Variants in DLG2 observed in about 807,000 individuals in gnomAD.
DLG2 encodes the protein discs large MAGUK scaffold protein 2, also known as disks large homolog 2.
A neutral mutation model predicts 132.5 loss-of-function variants in DLG2; 45 were observed. The observed-to-expected ratio is 0.34, with a 90% CI of 0.27 to 0.44. The LOEUF (loss-of-function observed/expected upper bound fraction) is 0.44, where lower values mean the gene tolerates loss of function less well. DLG2 is among the 20% of genes least tolerant of loss of function. The pLI is 1.00. For missense variants in DLG2, 1,045 were observed against 1,196.9 expected, an observed-to-expected ratio of 0.87 and a Z score of 1.87; for synonymous variants, 424 against 419.6, an observed-to-expected ratio of 1.01 and a Z score of -0.13.
intron 9 of DLG2, among the ~76,000 whole-genome samples, chr11:84,109,614 A>G (rs1439018254): frequency 6.6e-6 from 1 of 152,220 alleles, no homozygotes; most frequent in Non-Finnish European, 1.5e-5. Context: ...TGTATCCAAA[A>G]TGCTACTGGC....
intron 7 of DLG2, among the ~76,000 whole-genome samples, chr11:84,379,568 A>C (rs1441322976): frequency 6.6e-6 from 1 of 152,114 alleles, no homozygotes; most frequent in Admixed American, 6.6e-5. Context: ...AAGATGTAGA[A>C]ACATAGGTAG....
intron 7 of DLG2, among the ~76,000 whole-genome samples, chr11:84,502,349 T>C (rs371054195): frequency 1.8e-5 from 1 of 54,090 alleles, no homozygotes; most frequent in Admixed American, 2.1e-4. Flanking sequence ...TTTCTTTCTT[T>C]CTTTCTTTCT....
intron 6 of DLG2, among the ~76,000 whole-genome samples, chr11:84,719,030 A>C (rs2061513911): frequency 1.3e-5 from 2 of 152,348 alleles, no homozygotes; most frequent in South Asian, 4.1e-4. Flanking sequence ...AGATTGTTAG[A>C]GCTGGCAGGT....
At chr11:84,334,091 C>T (rs1300607357) in intron 7 of DLG2, among the ~76,000 whole-genome samples, 1 of 152,102 alleles carries the variant, frequency 6.6e-6, no homozygotes. Flanking sequence ...TTTATCAGAG[C>T]AACAAACTCT....
chr11:83,782,465 C>T (rs575748246), intron 18 of DLG2, among the ~76,000 whole-genome samples: 1 of 152,208 alleles, frequency 6.6e-6, no homozygotes, highest in South Asian at 2.1e-4. Context: ...ATAATGGGCA[C>T]ACCAGGTGTT....
chr11:85,379,909 G>A (rs942819406), intron 3 of DLG2, among the ~76,000 whole-genome samples: 2 of 151,948 alleles, frequency 1.3e-5, no homozygotes, highest in African/African-American at 2.4e-5. Flanking sequence ...TTTTTTATAT[G>A]TCACAAAATG....
At chr11:85,476,352 T>C (rs1037575443) in intron 3 of DLG2, among the ~76,000 whole-genome samples, 1 of 60,504 alleles carries the variant, frequency 1.7e-5, no homozygotes, top group Non-Finnish European at 6.0e-5. Context: ...GGTGAGTAAA[T>C]GTGAAGGCCT....
intron 6 of DLG2, among the ~76,000 whole-genome samples, chr11:84,582,251 A>G (rs922757157): frequency 1.3e-5 from 2 of 151,458 alleles, no homozygotes; most frequent in African/African-American, 2.4e-5. Flanking sequence ...TAAGTTTATC[A>G]GGGACTTGAA....
intron 6 of DLG2, among the ~76,000 whole-genome samples, chr11:84,728,910 T>C (rs1426824345): frequency 6.6e-6 from 1 of 152,188 alleles, no homozygotes; most frequent in Non-Finnish European, 1.5e-5. Flanking sequence ...GATGGTAGTT[T>C]GTATTTCTGT....
chr11:85,066,808 T>C (rs2154164216), intron 6 of DLG2, among the ~76,000 whole-genome samples: 1 of 151,796 alleles, frequency 6.6e-6, no homozygotes, highest in South Asian at 2.1e-4. Flanking sequence ...ATAAAAGCCA[T>C]ATACAACAAA....
intron 16 of DLG2, among the ~76,000 whole-genome samples, chr11:83,853,652 G>C (rs2060105024): frequency 1.3e-5 from 2 of 152,068 alleles, no homozygotes; most frequent in African/African-American, 4.8e-5. Flanking sequence ...GTGAGTTAGT[G>C]TCTGATATCT....
chr11:83,716,147 T>G (rs1366956871), intron 18 of DLG2, among the ~76,000 whole-genome samples: 1 of 152,176 alleles, frequency 6.6e-6, no homozygotes, highest in Non-Finnish European at 1.5e-5. Flanking sequence ...TCCATGAGAG[T>G]CCTAACTCCA....
intron 18 of DLG2, among the ~76,000 whole-genome samples, chr11:83,778,760 T>A (rs1338716557): frequency 1.3e-5 from 2 of 152,118 alleles, no homozygotes; most frequent in Non-Finnish European, 2.9e-5. Flanking sequence ...GTATGCAGCA[T>A]GATTAATTAT....
Position 84,775,589 on chromosome 11 carries a change from T to TA in DLG2, c.358-240859dup, listed in dbSNP as rs566934726. Among the ~76,000 whole-genome samples, 93 of 152,040 alleles carry TA rather than the reference T, an allele frequency of 6.1e-4. 1 individual carries two copies. The highest frequency in any genetic ancestry group is 2.0e-3 in the African/African-American group (81 of 41,484). On this transcript the variant is annotated intron_variant, in intron 6 of 27. Transcript: ENST00000376104. ...TACACCATGAAATACCAGGCAGCCA[T>TA]AAAAAAAGTGAAATCATGTTCTTTG... is the stretch of plus-strand genomic sequence containing the variant.
At chr11:83,657,356 C>T (rs1410802227) in intron 18 of DLG2, among the ~76,000 whole-genome samples, 5 of 152,026 alleles carry the variant, frequency 3.3e-5, no homozygotes, top group Admixed American at 1.3e-4. Flanking sequence ...GGTACATAGC[C>T]TAGGAGCTAA....
intron 18 of DLG2, among the ~76,000 whole-genome samples, chr11:83,700,058 A>C (rs906798729): frequency 6.6e-6 from 1 of 151,834 alleles, no homozygotes; most frequent in Admixed American, 6.6e-5. Flanking sequence ...TGAGGGCAGG[A>C]GAGGAACAAA....
chr11:85,037,867 A>G (rs1331151880), intron 6 of DLG2, among the ~76,000 whole-genome samples: 1 of 152,100 alleles, frequency 6.6e-6, no homozygotes, highest in Non-Finnish European at 1.5e-5. Flanking sequence ...TACATAATAG[A>G]TCTTAAAATA....
intron 6 of DLG2, among the ~76,000 whole-genome samples, chr11:84,964,537 C>T (rs1036151947): frequency 1.3e-5 from 2 of 152,072 alleles, no homozygotes; most frequent in African/African-American, 4.8e-5. Context: ...AATGAAGATC[C>T]TATAATATTG....
At chr11:83,843,381 T>A (rs2058018549) in intron 16 of DLG2, among the ~76,000 whole-genome samples, 1 of 152,176 alleles carries the variant, frequency 6.6e-6, no homozygotes, top group African/African-American at 2.4e-5. Context: ...TACCCTCACC[T>A]CCAGAAGAAC....
Sources: allele counts gnomAD v4.1 joint callset (sites outside exome capture counted in the v4.1 genomes callset), GRCh38; gene constraint gnomAD v4.1.1; transcripts MANE v1.5; gene names NCBI Gene and HGNC (gene_info 2026-07-23, HGNC 2026-07-21).